The following DAB1 variants were observed in gnomAD, a reference collection of about 807,000 sequenced individuals.
The protein encoded by DAB1 is DAB adaptor protein 1.
DAB1 carries 15 observed loss-of-function variants against 64.6 expected under a neutral mutation model. The observed-to-expected ratio is 0.23, with a 90% CI of 0.16 to 0.36. The LOEUF (loss-of-function observed/expected upper bound fraction) is 0.36, where lower values mean the gene tolerates loss of function less well. DAB1 is among the 10% of genes least tolerant of loss of function. The pLI is 1.00. For synonymous variants in DAB1, 235 were observed against 251.9 expected (o/e 0.93, Z 0.64); for missense variants, 596 against 706.7 (o/e 0.84, Z 1.78).
At chr1:58,297,845 C>T (rs1210983862) in intron 4 of DAB1, among the ~76,000 whole-genome samples, 1 of 152,084 alleles carries the variant, frequency 6.6e-6, no homozygotes, top group African/African-American at 2.4e-5. Flanking sequence ...TTAGGAGTGC[C>T]TGACTGTTGG....
chr1:58,227,381 C>T lies in DAB1; in HGVS notation n.310-76793G>A, dbSNP rs78159180. Reference sequence around the variant, plus strand: ...GAAGACTGGAGGAAATTTGGTTGAGCGAGGCATTCCAGGCAGAGGAATAGC... The same window carrying T: ...GAAGACTGGAGGAAATTTGGTTGAGTGAGGCATTCCAGGCAGAGGAATAGC... On this transcript the variant is annotated intron_variant and non_coding_transcript_variant, in intron 4 of 20. Transcript: ENST00000485760. 4.2e-3 allele frequency among the ~76,000 whole-genome samples: 638 copies of T among 152,162 alleles called. 3 individuals carry two copies. Among genetic ancestry groups the T allele is most frequent in the Middle Eastern group, 0.01 (3 of 294 alleles).
At chr1:57,795,690 G>GATTATAT (rs1270547155) in intron 6 of DAB1, among the ~76,000 whole-genome samples, 16 of 69,098 alleles carry the variant, frequency 2.3e-4, no homozygotes, top group African/African-American at 7.2e-4. Context: ...TATGCTTGGA[G>GATTATAT]ATATATATAT....
intron 6 of DAB1, among the ~76,000 whole-genome samples, chr1:57,675,884 A>G (rs3131752): frequency 0.74 from 111,855 of 152,036 alleles, 42,049 homozygotes; most frequent in East Asian, 0.93. Context: ...TAATAGAAAC[A>G]TGCAAAACTT....
At chr1:57,633,465 T>C (rs1539054) in intron 7 of DAB1, among the ~76,000 whole-genome samples, 120,864 of 152,068 alleles carry the variant, frequency 0.79, 48,278 homozygotes, top group Non-Finnish European at 0.84. Context: ...GCAAGTGGAT[T>C]GCAAGGGCAG....
intron 5 of DAB1, among the ~76,000 whole-genome samples, chr1:58,073,713 G>A (rs1282443827): frequency 6.6e-6 from 1 of 152,224 alleles, no homozygotes; most frequent in Admixed American, 6.5e-5. Context: ...TTGGAATGGG[G>A]ATGGGGCAGC....
chr1:58,261,066 T>C (rs1299705145), intron 4 of DAB1, among the ~76,000 whole-genome samples: 1 of 152,182 alleles, frequency 6.6e-6, no homozygotes, highest in African/African-American at 2.4e-5. Context: ...TTTCTCGGGC[T>C]TATCAAGAAT....
chr1:58,506,341 G>T, intron 2 of DAB1: 1 of 568,772 alleles, frequency 1.8e-6, no homozygotes, highest in Non-Finnish European at 3.1e-6. Context: ...CAACGTGCAG[G>T]TTTGTTACAT....
chr1:57,029,123 C>T (rs961209800), intron 9 of DAB1, among the ~76,000 whole-genome samples: 1 of 152,174 alleles, frequency 6.6e-6, no homozygotes, highest in African/African-American at 2.4e-5. Context: ...GGTTCCTGTG[C>T]TGTATACAGT....
chr1:57,246,316 T>C (rs1668871716), intron 2 of DAB1, among the ~76,000 whole-genome samples: 1 of 152,186 alleles, frequency 6.6e-6, no homozygotes, highest in East Asian at 1.9e-4. Flanking sequence ...TCCCAGCTGC[T>C]CCAGCTCCAC....
chr1:58,533,664 A>G lies in DAB1; in HGVS notation n.33-6329T>C, dbSNP rs552499684. 4.6e-5 allele frequency among the ~76,000 whole-genome samples: 7 copies of G among 152,290 alleles called. No individual in the cohort carries two copies. The South Asian group carries it at 1.5e-3, about 32-fold the overall frequency. On this transcript the variant is annotated intron_variant and non_coding_transcript_variant, in intron 1 of 20. Coordinates refer to the DAB1 transcript ENST00000485760. ...ATATTAATAATTATAGAAAGTTTAA[A>G]ATTTAATTTGAAATAATTAGGGGTT...
Position 57,617,566 on chromosome 1 carries a change from C to T in DAB1, n.625+32026G>A, listed in dbSNP as rs758941423. 4.6e-5 allele frequency among the ~76,000 whole-genome samples: 7 copies of T among 152,182 alleles called. No homozygotes were observed. The South Asian group carries it at 6.2e-4, about 14-fold the overall frequency. ...GATGCCATCTTAAAATTGTCACCTC[C>T]GCAATTCAAGCAACACTTCCACTCC... On this transcript the variant is annotated intron_variant and non_coding_transcript_variant, in intron 7 of 20. Coordinates refer to the DAB1 transcript ENST00000485760.
chr1:57,446,381 T>C (rs1245425558), intron 7 of DAB1, among the ~76,000 whole-genome samples: 10 of 152,068 alleles, frequency 6.6e-5, no homozygotes, highest in Non-Finnish European at 1.5e-4. Context: ...GCAGATCACC[T>C]GAGGTCGGGA....
At chr1:58,209,924 C>T (rs1202907874) in intron 4 of DAB1, among the ~76,000 whole-genome samples, 1 of 152,030 alleles carries the variant, frequency 6.6e-6, no homozygotes, top group Non-Finnish European at 1.5e-5. Flanking sequence ...GAAAGTTTCC[C>T]TTATCTTTCC....
chr1:58,490,088 C>T (rs184265143), intron 3 of DAB1, among the ~76,000 whole-genome samples: 1,670 of 152,286 alleles, frequency 0.011, 33 homozygotes, highest in African/African-American at 0.038. Context: ...CAAAGCTGGA[C>T]GCAGAATGAC....
chr1:57,607,798 C>T (rs1199860704), intron 7 of DAB1, among the ~76,000 whole-genome samples: 4 of 152,118 alleles, frequency 2.6e-5, no homozygotes, highest in African/African-American at 4.8e-5. Flanking sequence ...CCCATCAGCA[C>T]ATGAGAGAAG....
chr1:58,193,331 C>T (rs1254647287), intron 4 of DAB1, among the ~76,000 whole-genome samples: 1 of 152,156 alleles, frequency 6.6e-6, no homozygotes, highest in Admixed American at 6.5e-5. Flanking sequence ...GCCTGTGGCC[C>T]TCACCTGAAG....
At chr1:57,146,095 C>T (rs915062562) in intron 2 of DAB1, among the ~76,000 whole-genome samples, 2 of 152,184 alleles carry the variant, frequency 1.3e-5, no homozygotes, top group African/African-American at 4.8e-5. Flanking sequence ...ACACATCAAC[C>T]AGGAGCTCAA....
At chr1:57,018,529 ATTTCAAGGTGTG>A (rs1235381147) in intron 11 of DAB1, among the ~76,000 whole-genome samples, 1 of 152,204 alleles carries the variant, frequency 6.6e-6, no homozygotes, top group Admixed American at 6.5e-5. Flanking sequence ...TATGAAATTC[ATTTCAAGGTGTG>A]AAAGGAGGTA....
chr1:58,069,606 T>C (rs1340330387), intron 5 of DAB1, among the ~76,000 whole-genome samples: 2 of 152,190 alleles, frequency 1.3e-5, no homozygotes, highest in African/African-American at 4.8e-5. Flanking sequence ...CAGAGGAGTC[T>C]GCTCTGTGAC....
Sources: allele counts gnomAD v4.1 joint callset (sites outside exome capture counted in the v4.1 genomes callset), GRCh38; gene constraint gnomAD v4.1.1; transcripts MANE v1.5; gene names NCBI Gene and HGNC (gene_info 2026-07-23, HGNC 2026-07-21).